Variants in POC1B observed in about 807,000 individuals in gnomAD.
POC1B encodes the protein POC1 centriolar protein homolog B.
Under a neutral mutation model 60.6 loss-of-function variants are expected in POC1B, and 44 were observed. The ratio of observed to expected loss-of-function variants is 0.73; its 90% CI spans 0.57 to 0.93. The LOEUF (loss-of-function observed/expected upper bound fraction) is 0.93, where lower values mean the gene tolerates loss of function less well. Among genes scored for constraint, POC1B ranks in the 40% least tolerant of loss-of-function variants. The probability of loss-of-function intolerance (pLI) is 0.00; values close to 1 mark genes in which losing one functional copy is unlikely to be tolerated. For synonymous variants in POC1B, 180 were observed against 198.9 expected, an observed-to-expected ratio of 0.90 and a Z score of 0.80; for missense variants, 555 against 572.3, an observed-to-expected ratio of 0.97 and a Z score of 0.31.
At chr12:89,513,170 G>A (rs1320462063) in intron 2 of POC1B, among the ~76,000 whole-genome samples, 1 of 148,366 alleles carries the variant, frequency 6.7e-6, no homozygotes, top group East Asian at 2.0e-4. Flanking sequence ...TAATTTTTCA[G>A]CTTTTATAAA....
At chr12:89,471,412 AT>A (rs1882887144) in intron 6 of POC1B, among the ~76,000 whole-genome samples, 1 of 151,916 alleles carries the variant, frequency 6.6e-6, no homozygotes, top group Non-Finnish European at 1.5e-5. Context: ...CCCTCACATC[AT>A]TTTTAAGGTC....
At chr12:89,448,870 A>G (rs1881907326) in intron 10 of POC1B, among the ~76,000 whole-genome samples, 2 of 152,186 alleles carry the variant, frequency 1.3e-5, no homozygotes, top group South Asian at 4.1e-4. Flanking sequence ...AGGAATAGGC[A>G]ATGCTTAAAT....
the POC1B span, among the ~76,000 whole-genome samples, chr12:89,413,488 TGCCCA>T: frequency 6.6e-6 from 1 of 152,208 alleles, no homozygotes; most frequent in African/African-American, 2.4e-5. Context: ...TGAGCTACTA[TGCCCA>T]GCCTGTTTTT....
At chr12:89,412,053 T>A in the POC1B span, among the ~76,000 whole-genome samples, 1 of 152,194 alleles carries the variant, frequency 6.6e-6, no homozygotes, top group Non-Finnish European at 1.5e-5. Flanking sequence ...TTTTTATCTC[T>A]GAAAAGCAAA....
At chr12:89,421,702 T>A (rs1880541420) in intron 11 of POC1B, among the ~76,000 whole-genome samples, 1 of 152,264 alleles carries the variant, frequency 6.6e-6, no homozygotes, top group South Asian at 2.1e-4. Context: ...TGGCAAACCG[T>A]ACCTATAGCA....
intron 4 of POC1B, among the ~76,000 whole-genome samples, chr12:89,473,661 G>C (rs370961033): frequency 8.6e-5 from 1 of 11,662 alleles, no homozygotes; most frequent in African/African-American, 3.0e-4. Flanking sequence ...ACTCGCCTCA[G>C]AAAAGAAAAA....
the POC1B span, among the ~76,000 whole-genome samples, chr12:89,412,676 CAAA>C: frequency 2.2e-5 from 3 of 139,002 alleles, no homozygotes; most frequent in Non-Finnish European, 3.1e-5. Flanking sequence ...GACTCCGTCT[CAAA>C]AAAAAAAAAA....
At chr12:89,525,395 G>A in intron 1 of POC1B, 191 bp from the exon 2 acceptor site, 1 of 1,390,066 alleles carries the variant, frequency 7.2e-7, no homozygotes, top group Non-Finnish European at 9.3e-7. Context: ...GGAGACGCCG[G>A]CGCCAGCTCT....
intron 10 of POC1B, among the ~76,000 whole-genome samples, chr12:89,441,832 A>G (rs1275522101): frequency 6.6e-6 from 1 of 152,268 alleles, no homozygotes; most frequent in African/African-American, 2.4e-5. Flanking sequence ...TCTGAGCTAA[A>G]GAAAGATGTT....
intron 2 of POC1B, among the ~76,000 whole-genome samples, chr12:89,513,389 T>C (rs10858890): frequency 0.19 from 29,201 of 152,128 alleles, 3,226 homozygotes; most frequent in South Asian, 0.36. Context: ...CCATCATTTG[T>C]TGTACAAGCA....
At chr12:89,481,302 G>C (rs1383214235) in intron 4 of POC1B, among the ~76,000 whole-genome samples, 1 of 152,208 alleles carries the variant, frequency 6.6e-6, no homozygotes, top group Non-Finnish European at 1.5e-5. Flanking sequence ...GGGTAGTAAA[G>C]GTTATCAGAC....
chr12:89,460,123 A>G (rs1882430501), intron 9 of POC1B: 1 of 260,796 alleles, frequency 3.8e-6, no homozygotes. Context: ...ATATAATGTT[A>G]TCTAGAATTT....
intron 11 of POC1B, 27 bp from the exon 12 acceptor site, chr12:89,421,284 A>C (rs1375274253): frequency 1.3e-6 from 2 of 1,531,336 alleles, no homozygotes; most frequent in South Asian, 2.3e-5. Context: ...AAAATAATCA[A>C]TGCCTGGTCC....
chr12:89,480,477 G>T (rs962675250), intron 4 of POC1B, among the ~76,000 whole-genome samples: 1 of 151,344 alleles, frequency 6.6e-6, no homozygotes, highest in Non-Finnish European at 1.5e-5. Flanking sequence ...CTGGAGTACG[G>T]TGGCATGATC....
rs58251319 is a variant in POC1B at position 89,464,425 on chromosome 12, A to G, written c.1032+2345T>C. Among the ~76,000 whole-genome samples, 1,017 of 151,500 alleles carry G rather than the reference A, an allele frequency of 6.7e-3. 12 individuals carry two copies. The highest frequency in any genetic ancestry group is 0.024 in the African/African-American group (983 of 41,304). ...TTTGGTACTTAACAATTATTTATTC[A>G]TAATACTAAAGTTGTTCCCTGTCTA... On this transcript the variant is annotated intron_variant, in intron 9 of 11. Coordinates refer to ENST00000313546, the MANE Select transcript of POC1B (RefSeq NM_172240.3).
intron 10 of POC1B, chr12:89,427,050 C>T (rs1330791364): frequency 1.3e-5 from 2 of 152,046 alleles, no homozygotes; most frequent in Non-Finnish European, 2.9e-5. Flanking sequence ...ATAAGCTGAT[C>T]CTAAAACTCA....
At chr12:89,523,017 A>T (rs1369989817) in intron 2 of POC1B, 2 of 1,613,774 alleles carry the variant, frequency 1.2e-6, no homozygotes, top group African/African-American at 2.7e-5. Context: ...TTCCCACATA[A>T]TTTTTTTGCT....
At chr12:89,523,748 T>C in intron 2 of POC1B, 15 of 1,544,150 alleles carry the variant, frequency 9.7e-6, no homozygotes, top group Non-Finnish European at 1.3e-5. Context: ...CCTATCTGCA[T>C]ATAGAATTCA....
intron 10 of POC1B, among the ~76,000 whole-genome samples, chr12:89,442,937 A>G (rs56693320): frequency 0.063 from 9,578 of 152,274 alleles, 805 homozygotes; most frequent in East Asian, 0.42. Context: ...AACAAAAAAA[A>G]GCAGGGGTTG....
Sources: gnomAD v4.1 joint callset for allele counts (sites outside exome capture counted in the v4.1 genomes callset) on GRCh38, gnomAD v4.1.1 for gene constraint, MANE v1.5 for transcripts, NCBI Gene and HGNC (gene_info 2026-07-23, HGNC 2026-07-21) for gene names.